The following TET2 variants were observed in gnomAD, a reference collection of about 807,000 sequenced individuals.
TET2 encodes methylcytosine dioxygenase TET2.
TET2 carries 299 observed loss-of-function variants against 142.9 expected under a neutral mutation model. The ratio of observed to expected loss-of-function variants is 2.09; its 90% CI spans 1.90 to 2.30. The LOEUF (loss-of-function observed/expected upper bound fraction) is 2.30, where lower values mean the gene tolerates loss of function less well. TET2 is among the 30% of genes most tolerant of loss of function. The pLI, the probability that TET2 is intolerant of heterozygous loss-of-function variation, is 0.00. For synonymous variants in TET2, 819 were observed against 849.0 expected (o/e 0.96, Z 0.61); for missense variants, 2,418 against 2,378.0 (o/e 1.02, Z -0.35).
chr4:105,173,756 A>T (rs976995868), intron 1 of TET2, among the ~76,000 whole-genome samples: 24 of 152,312 alleles, frequency 1.6e-4, no homozygotes, highest in African/African-American at 5.5e-4. Context: ...ATTACATGGT[A>T]AATTAAAACA....
Position 105,235,962 on chromosome 4 carries a change from C to T in TET2, c.2020C>T (p.Gln674Ter), listed in dbSNP as rs1352624446. 1.2e-6 allele frequency: 2 copies of T among 1,614,172 alleles called. No homozygotes were observed. The highest frequency in any genetic ancestry group is 8.5e-7 in the Non-Finnish European group (1 of 1,180,012). Residue 674 changes from glutamine to a stop codon, truncating the protein, a stop_gained, in exon 3 of 11, where the codon CAG (glutamine) becomes TAG (stop). Transcript: ENST00000380013. LOFTEE classifies it high-confidence loss of function. ...KTDHLPKAHV[Q>*]SLCGTRFHFQ... ...AGACCATTTACCAAAAGCTCATGTGCAGTCACTGTGTGGCACTAGATTTCA... is the reference window on the plus strand; with the variant it reads ...AGACCATTTACCAAAAGCTCATGTGTAGTCACTGTGTGGCACTAGATTTCA...
intron 9 of TET2, among the ~76,000 whole-genome samples, 157 bp downstream of exon 9, chr4:105,269,904 A>T (rs761731780): frequency 2.0e-5 from 3 of 152,244 alleles, no homozygotes; most frequent in Admixed American, 1.3e-4. Flanking sequence ...CTGAAGGCAA[A>T]TGAGGAGCAA....
chr4:105,265,076 TTTA>T (rs1730621141), intron 8 of TET2, among the ~76,000 whole-genome samples: 1 of 152,192 alleles, frequency 6.6e-6, no homozygotes, highest in Non-Finnish European at 1.5e-5. Flanking sequence ...TGCCTTACAA[TTTA>T]ACAGTAGACC....
intron 2 of TET2, among the ~76,000 whole-genome samples, chr4:105,209,413 C>A (rs1291836058): frequency 6.6e-6 from 1 of 151,974 alleles, no homozygotes; most frequent in East Asian, 1.9e-4. Context: ...GGACTCAGAG[C>A]TCACCAACTT....
intron 6 of TET2, among the ~76,000 whole-genome samples, chr4:105,244,675 G>A (rs1353373827): frequency 4.3e-5 from 6 of 138,490 alleles, no homozygotes; most frequent in Admixed American, 8.0e-5. Context: ...GGTTCACCGC[G>A]ACCTCCACCT....
chr4:105,162,835 G>A (rs1035934852), intron 1 of TET2, among the ~76,000 whole-genome samples: 13 of 151,990 alleles, frequency 8.6e-5, no homozygotes, highest in African/African-American at 3.1e-4. Flanking sequence ...TTAACATTAG[G>A]ATTCTATTGA....
At chr4:105,237,956 T>C (rs1226431149) in intron 3 of TET2, 1 of 985,744 alleles carries the variant, frequency 1.0e-6, no homozygotes, top group Non-Finnish European at 1.2e-6. Context: ...AAATTTCATC[T>C]TTTTGATTAA....
At chr4:105,200,319 T>A (rs769960147) in intron 2 of TET2, among the ~76,000 whole-genome samples, 14 of 152,236 alleles carry the variant, frequency 9.2e-5, no homozygotes, top group Non-Finnish European at 1.6e-4. Flanking sequence ...TTCATATGTT[T>A]GTTGGCCGCA....
intron 6 of TET2, among the ~76,000 whole-genome samples, chr4:105,253,575 T>C (rs1483535008): frequency 6.6e-6 from 1 of 151,834 alleles, no homozygotes; most frequent in Non-Finnish European, 1.5e-5. Context: ...TTCTTTCATA[T>C]TTTCTAGGTG....
intron 6 of TET2, among the ~76,000 whole-genome samples, chr4:105,249,237 G>A (rs1729742207): frequency 6.6e-6 from 1 of 152,036 alleles, no homozygotes; most frequent in Non-Finnish European, 1.5e-5. Flanking sequence ...ATGTTGGCTA[G>A]GCTGGTCTCA....
intron 1 of TET2, among the ~76,000 whole-genome samples, chr4:105,151,959 C>G (rs143949836): frequency 6.6e-6 from 1 of 151,930 alleles, no homozygotes; most frequent in African/African-American, 2.4e-5. Flanking sequence ...CCAGTAATCC[C>G]AGCTACTCAG....
intron 1 of TET2, among the ~76,000 whole-genome samples, chr4:105,181,504 CA>C (rs1725119619): frequency 6.6e-6 from 1 of 152,184 alleles, no homozygotes; most frequent in South Asian, 2.1e-4. Flanking sequence ...ACAGGACAAT[CA>C]ACAACAAATT....
At chr4:105,180,570 A>G (rs1451563193) in intron 1 of TET2, among the ~76,000 whole-genome samples, 1 of 152,078 alleles carries the variant, frequency 6.6e-6, no homozygotes, top group Non-Finnish European at 1.5e-5. Context: ...CCTTTCTAAA[A>G]CGTAAATATT....
At position 105,236,003 on chromosome 4, in the gene TET2, A is replaced by G. The variant is rs910721924; in HGVS notation, c.2061A>G (p.Ala687=). 6.2e-7 allele frequency: 1 copy of G among 1,614,084 alleles called. No homozygotes were observed. The highest frequency in any genetic ancestry group is 1.3e-5 in the African/African-American group (1 of 74,942). Reference sequence around the variant, plus strand: ...CTAGATTTCATTTTCAACAAAGAGCAGATTCCCAAACTGAAAAACTTATGT... The same window carrying G: ...CTAGATTTCATTTTCAACAAAGAGCGGATTCCCAAACTGAAAAACTTATGT... ...CGTRFHFQQR[A]DSQTEKLMSP... is the part of the protein sequence containing the mutation. The change falls in exon 3 of 11, where the codon GCA becomes GCG. Residue 687 remains alanine, a synonymous_variant. Transcript: ENST00000380013.
intron 6 of TET2, among the ~76,000 whole-genome samples, chr4:105,244,057 G>A (rs1013334187): frequency 1.3e-4 from 20 of 152,200 alleles, no homozygotes; most frequent in Admixed American, 4.6e-4. Flanking sequence ...AATTGTTTAT[G>A]TGCTCACATG....
At chr4:105,256,156 CAA>C (rs918096576) in intron 6 of TET2, among the ~76,000 whole-genome samples, 1 of 151,932 alleles carries the variant, frequency 6.6e-6, no homozygotes, top group African/African-American at 2.4e-5. Flanking sequence ...AAAATAGTTA[CAA>C]AAAAATACAT....
At chr4:105,204,754 A>G (rs1726715893) in intron 2 of TET2, among the ~76,000 whole-genome samples, 1 of 152,156 alleles carries the variant, frequency 6.6e-6, no homozygotes, top group Non-Finnish European at 1.5e-5. Context: ...TATTGGTTTA[A>G]AATACATGGC....
chr4:105,148,121 C>G (rs528931065), intron 1 of TET2, among the ~76,000 whole-genome samples: 1 of 151,986 alleles, frequency 6.6e-6, no homozygotes, highest in African/African-American at 2.4e-5. Flanking sequence ...ACTGGGACTG[C>G]TTGTCTAGTT....
chr4:105,187,447 G>C (rs193144566), intron 1 of TET2, among the ~76,000 whole-genome samples: 128 of 152,170 alleles, frequency 8.4e-4, no homozygotes, highest in Non-Finnish European at 1.6e-3. Flanking sequence ...CTCCAACCCT[G>C]ACCTCCTGTA....
Sources: allele counts gnomAD v4.1 joint callset (sites outside exome capture counted in the v4.1 genomes callset), GRCh38; gene constraint gnomAD v4.1.1; transcripts MANE v1.5; gene names NCBI Gene and HGNC (gene_info 2026-07-23, HGNC 2026-07-21).